Variants in XIST observed in about 807,000 individuals in gnomAD.
XIST encodes the protein X inactive specific transcript (non-protein coding).
At chrX:73,833,668 T>C in intron 2 of XIST, 1 of 159,448 alleles carries the variant, frequency 6.3e-6, no homozygotes, top group Non-Finnish European at 1.2e-5. Flanking sequence ...GTCATCCTGT[T>C]GCTGAAAATA....
At position 73,843,855 on chromosome X, in the gene XIST, G is replaced by A. The variant is rs748703906; in HGVS notation, n.8869C>T. 15 of 558,707 alleles carry A rather than the reference G, an allele frequency of 2.7e-5. No homozygotes were observed. The South Asian group carries it at 3.1e-4, about 12-fold the overall frequency. 46.0% of individuals were successfully genotyped at this position (558,707 alleles called of 1,213,427 possible). On this transcript the variant is annotated non_coding_transcript_exon_variant, in exon 1 of 6. Transcript: ENST00000429829. ...AAACAACAGGACTTTGGTTGATCAG[G>A]ACACCCTGTTGTACTACAAAGGAAA...
At chrX:73,834,863 G>C (rs1009088039) in intron 2 of XIST, among the ~76,000 whole-genome samples, 6 of 81,895 alleles carry the variant, frequency 7.3e-5, no homozygotes, top group Non-Finnish European at 1.4e-4. Flanking sequence ...GGTGGGGGGC[G>C]GGTGCCTGTA....
intron 3 of XIST, among the ~76,000 whole-genome samples, chrX:73,831,789 T>C (rs758880180): frequency 1.2e-4 from 13 of 112,124 alleles, no homozygotes; most frequent in African/African-American, 4.2e-4. Context: ...TGGCTTCCTT[T>C]ATAAAGAGCT....
chrX:73,841,459 C>T (rs752484086), exon 1 of XIST: 1 of 557,539 alleles, frequency 1.8e-6, no homozygotes, highest in South Asian at 2.2e-5. Context: ...TGAGCTGGGC[C>T]GATCTTTTGA....
At chrX:73,841,546 A>C (rs1173657821) in exon 1 of XIST, 2 of 558,615 alleles carry the variant, frequency 3.6e-6, no homozygotes, top group Non-Finnish European at 6.5e-6. Context: ...TATTTGCTTG[A>C]GCAGTTCCAT....
At chrX:73,845,435 C>A in exon 1 of XIST, 2 of 550,157 alleles carry the variant, frequency 3.6e-6, no homozygotes, top group East Asian at 3.3e-5. Context: ...TGCTCACTTA[C>A]AATTGTGCAC....
At chrX:73,826,991 C>T in exon 6 of XIST, 1 of 558,886 alleles carries the variant, frequency 1.8e-6, no homozygotes, top group South Asian at 2.2e-5. Flanking sequence ...GCTCTTGAGG[C>T]TTTTGTTGGT....
At chrX:73,841,219 T>G in intron 1 of XIST, 2 of 356,581 alleles carry the variant, frequency 5.6e-6, no homozygotes, top group Non-Finnish European at 9.7e-6. Flanking sequence ...TATTTATGCA[T>G]GTATGTATGT....
chrX:73,850,503 C>G, exon 1 of XIST: 1 of 547,965 alleles, frequency 1.8e-6, no homozygotes, highest in South Asian at 2.3e-5. Context: ...AAATCCGACC[C>G]CAGCATTAGC....
chrX:73,849,060 G>A (rs765531038), exon 1 of XIST: 1 of 557,723 alleles, frequency 1.8e-6, no homozygotes, highest in African/African-American at 2.2e-5. Flanking sequence ...CAGAACTATG[G>A]ATAATTGGGA....
chrX:73,829,790 CAAAAAA>C (rs752287639), intron 4 of XIST, among the ~76,000 whole-genome samples: 1 of 24,249 alleles, frequency 4.1e-5, no homozygotes. Flanking sequence ...AACTCCATCT[CAAAAAA>C]AAAAAAAAAA....
At chrX:73,834,637 A>G (rs908371618) in intron 2 of XIST, among the ~76,000 whole-genome samples, 1 of 111,840 alleles carries the variant, frequency 8.9e-6, no homozygotes, top group African/African-American at 3.2e-5. Flanking sequence ...ACAGCCAGCC[A>G]TCTGGTTCAA....
chrX:73,821,113 T>C (rs1260954080), exon 6 of XIST: 1 of 558,573 alleles, frequency 1.8e-6, no homozygotes, highest in East Asian at 3.2e-5. Flanking sequence ...AAAGGGGTGT[T>C]ACTGAGTCCA....
chrX:73,844,140 A>C (rs1458267699), exon 1 of XIST: 1 of 558,886 alleles, frequency 1.8e-6, no homozygotes, highest in Admixed American at 2.2e-5. Flanking sequence ...AAGAACCAAC[A>C]TAAATGCAAT....
Position 73,847,118 on chromosome X carries a change from G to A in XIST, n.5606C>T, listed in dbSNP as rs750334633. ...TCTTAAGTAGTAGGTACTTCCAGCT[G>A]GGATGTAAATACAGTGGGTGGGGTC... is the stretch of plus-strand genomic sequence containing the variant. On this transcript the variant is annotated non_coding_transcript_exon_variant, in exon 1 of 6. Transcript: ENST00000429829. The A allele has an allele frequency of 3.9e-5, 22 of 557,585 alleles. 1 individual carries two copies. The South Asian group carries it at 4.9e-4, about 12-fold the overall frequency. The allele number at this position is 557,585 out of a possible 1,213,427, so 46.0% of individuals were successfully genotyped here. A position where few individuals can be genotyped will look rare whatever the true frequency, so the allele number is the denominator to read the frequency against.
At chrX:73,842,812 A>G (rs1439199787) in exon 1 of XIST, 1 of 558,824 alleles carries the variant, frequency 1.8e-6, no homozygotes, top group South Asian at 2.2e-5. Flanking sequence ...GGGGCAGGGC[A>G]GAGGGAAGGG....
At chrX:73,849,763 T>C in exon 1 of XIST, 1 of 546,999 alleles carries the variant, frequency 1.8e-6, no homozygotes, top group Non-Finnish European at 3.3e-6. Context: ...CAACTTATTT[T>C]GAGCACTGAA....
At position 73,825,135 on chromosome X, in the gene XIST, T is replaced by A. The variant is rs41303715; in HGVS notation, n.14766A>T. ...GCACCCAGCATGGTATCTGGCACAT[T>A]ATAGGTGACCACAACAAGCTTAGTC... On this transcript the variant is annotated non_coding_transcript_exon_variant, in exon 6 of 6. Coordinates refer to ENST00000429829, the Ensembl canonical transcript of XIST. 23,768 of 519,258 alleles carry A rather than the reference T, an allele frequency of 0.046. 427 individuals are homozygous for A. Among genetic ancestry groups the A allele is most frequent in the Middle Eastern group, 0.059 (190 of 3,204 alleles). The allele number at this position is 519,258 out of a possible 1,213,427, so 42.8% of individuals were successfully genotyped here.
chrX:73,837,015 C>T (rs1055938373), intron 2 of XIST, among the ~76,000 whole-genome samples: 1 of 111,703 alleles, frequency 9.0e-6, no homozygotes, highest in Non-Finnish European at 1.9e-5. Context: ...GGAGAAAAGA[C>T]ATCCTGTGCA....
Sources: gnomAD v4.1 joint callset for allele counts (sites outside exome capture counted in the v4.1 genomes callset) on GRCh38, gnomAD v4.1.1 for gene constraint, MANE v1.5 for transcripts, NCBI Gene and HGNC (gene_info 2026-07-23, HGNC 2026-07-21) for gene names.